EPS8: variants seen among roughly 807,000 people sequenced by gnomAD.
EPS8 encodes the protein EGFR pathway substrate 8, signaling adaptor, also known as epidermal growth factor receptor kinase substrate 8.
A neutral mutation model predicts 103.8 loss-of-function variants in EPS8; 42 were observed. That is an observed-to-expected ratio of 0.40 (90% confidence interval 0.32 to 0.52). The LOEUF (loss-of-function observed/expected upper bound fraction) is 0.52. EPS8 is among the 20% of genes least tolerant of loss of function. EPS8 has a pLI of 0.40. For missense variants in EPS8, 969 were observed against 1,005.1 expected (o/e 0.96, Z 0.49); for synonymous variants, 344 against 344.6 (o/e 1.00, Z 0.02).
intron 18 of EPS8, among the ~76,000 whole-genome samples, chr12:15,628,071 C>CA (rs1011097289): frequency 4.3e-5 from 2 of 46,578 alleles, no homozygotes; most frequent in South Asian, 1.2e-3. Flanking sequence ...TTGAAGTAAT[C>CA]AAAAAAGGGG....
rs894331462 is a variant in EPS8, at chr12:15,757,355, G to A, written c.-22+31806C>T. ...TATTTAAGATGAAGAGATGGGCCAG[G>A]CACAGTGGCTCACACCTGGAATCCC... is the stretch of plus-strand genomic sequence containing the variant. On this transcript the variant is annotated intron_variant, in intron 1 of 20. Coordinates refer to ENST00000281172, the MANE Select transcript of EPS8 (RefSeq NM_004447.6). This position sits in a 1 kb window ranked among gnomAD's most constrained non-coding sequence, Gnocchi z 4.1. 1.3e-5 allele frequency among the ~76,000 whole-genome samples: 2 copies of A among 152,118 alleles called. No individual in the cohort carries two copies. Among genetic ancestry groups the A allele is most frequent in the Non-Finnish European group, 2.9e-5 (2 of 68,026 alleles).
intron 1 of EPS8, among the ~76,000 whole-genome samples, chr12:15,732,458 C>T (rs1946727420): frequency 6.6e-6 from 1 of 152,140 alleles, no homozygotes; most frequent in African/African-American, 2.4e-5. Context: ...CTCATTTAAT[C>T]CTAACAATCC....
chr12:15,755,747 T>C (rs1205644288), intron 1 of EPS8, among the ~76,000 whole-genome samples: 1 of 152,194 alleles, frequency 6.6e-6, no homozygotes, highest in East Asian at 1.9e-4. Context: ...CGTCCCTTCC[T>C]GTCTGCTGCC....
intron 8 of EPS8, 129 bp downstream of exon 8, chr12:15,665,627 G>A (rs964293669): frequency 4.1e-5 from 47 of 1,138,414 alleles, no homozygotes; most frequent in African/African-American, 1.6e-4. Flanking sequence ...CACTGCGCCC[G>A]GCCAGAGTTG....
At position 15,726,578 on chromosome 12, in the gene EPS8, T is replaced by C. The variant is rs2950438; in HGVS notation, c.-21-43606A>G. Among the ~76,000 whole-genome samples, 1,222 of 152,226 alleles carry C rather than the reference T, an allele frequency of 8.0e-3. 15 individuals carry two copies. The highest frequency in any genetic ancestry group is 0.027 in the African/African-American group (1,138 of 41,528). ...GTGTGGTGACAGCAAAAAATGAAGA[T>C]ACACACTTACATACATACACATGGA... On this transcript the variant is annotated intron_variant, in intron 1 of 20. Transcript: ENST00000281172.
chr12:15,621,268 A>G lies in EPS8; in HGVS notation c.*49T>C, dbSNP rs9651811. On this transcript the variant is annotated 3_prime_UTR_variant, in exon 21 of 21. Transcript: ENST00000281172. ...CCTTCAAGGCTTCTTAAAACAAAGC[A>G]TGTTGGAATAATGCCAAAAACAATG... is the stretch of plus-strand genomic sequence containing the variant. 2.6e-3 allele frequency: 2,437 copies of G among 936,670 alleles called. 55 individuals are homozygous for G. The African/African-American group carries it at 0.039, about 15-fold the overall frequency. 58.0% of individuals were successfully genotyped at this position (936,670 alleles called of 1,614,324 possible).
rs1050515312 is a variant in EPS8, at chr12:15,704,877, A to G, written c.-21-21905T>C. Reference sequence around the variant, plus strand: ...TGCCTCTGTTATGGGGATGTACTAGAAGATTAACAATTTCCTTGGCATGCG... The same window carrying G: ...TGCCTCTGTTATGGGGATGTACTAGGAGATTAACAATTTCCTTGGCATGCG... On this transcript the variant is annotated intron_variant, in intron 1 of 20. Coordinates refer to ENST00000281172, the MANE Select transcript of EPS8 (RefSeq NM_004447.6). The surrounding 1 kb of genome is among the most constrained non-coding windows in gnomAD (Gnocchi z 4.6). Among the ~76,000 whole-genome samples the G allele has an allele frequency of 3.3e-5, 5 of 152,180 alleles. No homozygotes were observed. Among genetic ancestry groups the G allele is most frequent in the African/African-American group, 1.2e-4 (5 of 41,448 alleles).
chr12:15,687,702 C>T (rs1279414567), intron 1 of EPS8, among the ~76,000 whole-genome samples: 1 of 152,184 alleles, frequency 6.6e-6, no homozygotes, highest in East Asian at 1.9e-4. Flanking sequence ...AGAAAAGAGG[C>T]ATAGACATAT....
chr12:15,644,262 C>T (rs573838463), intron 15 of EPS8, among the ~76,000 whole-genome samples: 1 of 152,282 alleles, frequency 6.6e-6, no homozygotes, highest in South Asian at 2.1e-4. Flanking sequence ...ACCTCACGTC[C>T]GTTTTCTGTA....
In EPS8 at chr12:15,728,129, T is replaced by C. The variant is rs1202658611; in HGVS notation, c.-21-45157A>G. Reference sequence around the variant, plus strand: ...ATCATTAGTTTTGCATTCTACCTACTAGCTTTTTAGTGATGGAACTTTAAC... The same window carrying C: ...ATCATTAGTTTTGCATTCTACCTACCAGCTTTTTAGTGATGGAACTTTAAC... On this transcript the variant is annotated intron_variant, in intron 1 of 20. Coordinates refer to ENST00000281172, the MANE Select transcript of EPS8 (RefSeq NM_004447.6). This position sits in a 1 kb window ranked among gnomAD's most constrained non-coding sequence, Gnocchi z 4.5. 2.0e-5 allele frequency: 3 copies of C among 152,212 alleles called. No individual in the cohort carries two copies. The highest frequency in any genetic ancestry group is 7.2e-5 in the African/African-American group (3 of 41,462). The allele number at this position is 152,212 out of a possible 1,614,324, so 9.4% of individuals were successfully genotyped here. A position where few individuals can be genotyped will look rare whatever the true frequency, so the allele number is the denominator to read the frequency against.
chr12:15,690,334 A>T lies in EPS8; in HGVS notation c.-21-7362T>A, dbSNP rs117653505. Among the ~76,000 whole-genome samples the T allele has an allele frequency of 6.6e-6, 1 of 152,330 alleles. No homozygotes were observed. The highest frequency in any genetic ancestry group is 1.9e-4 in the East Asian group (1 of 5,190). On this transcript the variant is annotated intron_variant, in intron 1 of 20. Transcript: ENST00000281172. The surrounding 1 kb of genome is among the most constrained non-coding windows in gnomAD (Gnocchi z 4.7). ...CTACAAGTAAAAACTTAATTGTTAA[A>T]CCACATGGGACTCTTTAAAAAGCAT...
At chr12:15,665,166 T>C (rs1945685355) in intron 8 of EPS8, 1 of 152,218 alleles carries the variant, frequency 6.6e-6, no homozygotes, top group South Asian at 2.1e-4. Flanking sequence ...AAAACCTGTA[T>C]ATATTTTGTT....
intron 11 of EPS8, 65 bp from the exon 12 acceptor site, chr12:15,658,218 A>G (rs1945542163): frequency 6.5e-6 from 7 of 1,083,042 alleles, no homozygotes; most frequent in Non-Finnish European, 9.9e-6. Context: ...GAAAGGTCCA[A>G]CATAGACACA....
Position 15,784,395 on chromosome 12 carries a change from A to T in EPS8, c.-22+4766T>A, listed in dbSNP as rs1416807815. On this transcript the variant is annotated intron_variant, in intron 1 of 20. Coordinates refer to ENST00000281172, the MANE Select transcript of EPS8 (RefSeq NM_004447.6). This position sits in a 1 kb window ranked among gnomAD's most constrained non-coding sequence, Gnocchi z 4.0. ...AAGGGGTATGTGAAAAGATGTTAAC[A>T]TCATATGTCATTAGGAAATAGTAAA... 6.6e-6 allele frequency among the ~76,000 whole-genome samples: 1 copy of T among 152,212 alleles called. No individual in the cohort carries two copies. The highest frequency in any genetic ancestry group is 2.4e-5 in the African/African-American group (1 of 41,460).
At position 15,665,828 on chromosome 12, in the gene EPS8, CA is replaced by C; in HGVS notation, c.663del (p.Thr223ProfsTer39). On this transcript the variant is annotated frameshift_variant, in exon 8 of 21. Coordinates refer to ENST00000281172, the MANE Select transcript of EPS8 (RefSeq NM_004447.6). LOFTEE classifies it high-confidence loss of function. Reference sequence around the variant, plus strand: ...CTAACATCCACCTGGGTGACGGTCCCAGGGGGCGCAGGGGCAGGAGCTCTGG... The same window carrying C: ...CTAACATCCACCTGGGTGACGGTCCCGGGGGCGCAGGGGCAGGAGCTCTGG... ...PPPRAPAPAP[P>X]GTVTQVDVRS... The C allele has an allele frequency of 6.2e-7, 1 of 1,613,910 alleles. No homozygotes were observed. The highest frequency in any genetic ancestry group is 8.5e-7 in the Non-Finnish European group (1 of 1,179,942).
intron 9 of EPS8, among the ~76,000 whole-genome samples, 163 bp downstream of exon 9, chr12:15,661,863 A>C (rs539958844): frequency 3.0e-4 from 46 of 152,256 alleles, no homozygotes; most frequent in Non-Finnish European, 5.0e-4. Context: ...GTTTAACGAG[A>C]AAATAATTCA....
chr12:15,758,605 T>G lies in EPS8; in HGVS notation c.-22+30556A>C, dbSNP rs144533029. 2.3e-4 allele frequency among the ~76,000 whole-genome samples: 35 copies of G among 152,338 alleles called. No individual in the cohort carries two copies. In the East Asian group the frequency reaches 6.7e-3, roughly 29 times the overall value. ...GCACTGGTACAGATTAAAGAAGGCCTGTCAGAGACAAGATAACTAAACGCA... is the reference window on the plus strand; with the variant it reads ...GCACTGGTACAGATTAAAGAAGGCCGGTCAGAGACAAGATAACTAAACGCA... On this transcript the variant is annotated intron_variant, in intron 1 of 20. Coordinates refer to ENST00000281172, the MANE Select transcript of EPS8 (RefSeq NM_004447.6).
chr12:15,676,005 G>A (rs7960807), intron 3 of EPS8, among the ~76,000 whole-genome samples: 8,861 of 152,124 alleles, frequency 0.058, 838 homozygotes, highest in African/African-American at 0.19. Context: ...GGGCGTGGTG[G>A]CTCACGCCTG....
intron 1 of EPS8, among the ~76,000 whole-genome samples, chr12:15,775,422 T>C (rs1947198195): frequency 6.6e-6 from 1 of 152,122 alleles, no homozygotes; most frequent in African/African-American, 2.4e-5. Flanking sequence ...TATACTGTAA[T>C]TTTCCCCAAA....
Sources: gnomAD v4.1 joint callset for allele counts (sites outside exome capture counted in the v4.1 genomes callset) on GRCh38, gnomAD v4.1.1 for gene constraint, Gnocchi (gnomAD v3.1) non-coding constraint, MANE v1.5 for transcripts, NCBI Gene and HGNC (gene_info 2026-07-23, HGNC 2026-07-21) for gene names.